PDE4B: variants seen among roughly 807,000 people sequenced by gnomAD.
PDE4B encodes 3',5'-cyclic-AMP phosphodiesterase 4B.
Under a neutral mutation model 82.2 loss-of-function variants are expected in PDE4B, and 20 were observed. The ratio of observed to expected loss-of-function variants is 0.24; its 90% CI spans 0.17 to 0.35. The LOEUF (loss-of-function observed/expected upper bound fraction) is 0.35, where lower values mean the gene tolerates loss of function less well. Ranked by LOEUF, PDE4B falls within the 10% of genes least tolerant of loss-of-function variation. PDE4B has a pLI of 1.00. For missense variants in PDE4B, 655 were observed against 907.2 expected (o/e 0.72, Z 3.57); for synonymous variants, 320 against 318.9 (o/e 1.00, Z -0.04).
intron 4 of PDE4B, among the ~76,000 whole-genome samples, chr1:66,255,604 G>A (rs760030298): frequency 7.9e-5 from 12 of 152,160 alleles, no homozygotes; most frequent in Non-Finnish European, 1.8e-4. Context: ...TTCATTGGCA[G>A]CATCTACCAT....
At chr1:65,910,896 T>G (rs1464073297) in intron 1 of PDE4B, among the ~76,000 whole-genome samples, 2 of 152,168 alleles carry the variant, frequency 1.3e-5, no homozygotes, top group East Asian at 3.8e-4. Flanking sequence ...AAGGGGCAGA[T>G]GAGGAATATC....
chr1:66,186,934 A>C (rs555516547), intron 3 of PDE4B, among the ~76,000 whole-genome samples: 16 of 152,136 alleles, frequency 1.1e-4, no homozygotes, highest in Admixed American at 9.8e-4. Flanking sequence ...GAATCCTTCC[A>C]GTTTGTGCCC....
At chr1:65,801,032 T>C (rs1323543465) in intron 1 of PDE4B, among the ~76,000 whole-genome samples, 1 of 152,174 alleles carries the variant, frequency 6.6e-6, no homozygotes, top group Non-Finnish European at 1.5e-5. Context: ...CCCTTGAAGG[T>C]AGCAATGGCC....
intron 3 of PDE4B, among the ~76,000 whole-genome samples, chr1:66,038,610 A>G (rs1654189845): frequency 6.6e-6 from 1 of 152,126 alleles, no homozygotes; most frequent in Admixed American, 6.6e-5. Context: ...ATGAAGTTGT[A>G]GGATTTTGTG....
chr1:66,002,261 T>C (rs1651907341), intron 3 of PDE4B, among the ~76,000 whole-genome samples: 1 of 152,196 alleles, frequency 6.6e-6, no homozygotes, highest in Non-Finnish European at 1.5e-5. Context: ...TTTTAATGTC[T>C]TTATTTGCTA....
chr1:65,795,833 G>A (rs970795367), intron 1 of PDE4B, among the ~76,000 whole-genome samples: 2 of 152,140 alleles, frequency 1.3e-5, no homozygotes, highest in Non-Finnish European at 2.9e-5. Context: ...AAGAAAATAG[G>A]GCTTTGAACT....
intron 3 of PDE4B, among the ~76,000 whole-genome samples, chr1:66,065,792 A>G (rs920881753): frequency 2.7e-4 from 41 of 151,882 alleles, no homozygotes; most frequent in African/African-American, 9.9e-4. Context: ...CCAGTGTTTT[A>G]TCTATTATTA....
intron 1 of PDE4B, among the ~76,000 whole-genome samples, chr1:65,894,280 CTAAG>C (rs1360930634): frequency 2.0e-5 from 3 of 151,942 alleles, no homozygotes. Flanking sequence ...AAGTAATTTT[CTAAG>C]TAACTTAAAG....
At chr1:66,236,397 A>G (rs573464844) in intron 3 of PDE4B, among the ~76,000 whole-genome samples, 48 of 152,194 alleles carry the variant, frequency 3.2e-4, no homozygotes, top group African/African-American at 1.0e-3. Context: ...GTGCTTTTCA[A>G]TCACTTATCT....
intron 6 of PDE4B, among the ~76,000 whole-genome samples, 168 bp downstream of exon 6, chr1:66,258,031 C>A (rs1011371210): frequency 1.3e-5 from 2 of 152,134 alleles, no homozygotes; most frequent in African/African-American, 4.8e-5. Context: ...TTTTAGAACT[C>A]ATACAACACT....
At position 66,283,635 on chromosome 1, in the gene PDE4B, CTCT is replaced by C. The variant is rs535989950; in HGVS notation, c.634+17553_634+17555del. Among the ~76,000 whole-genome samples the C allele has an allele frequency of 1.0e-3, 156 of 152,108 alleles. 1 individual carries two copies. Among genetic ancestry groups the C allele is most frequent in the African/African-American group, 3.6e-3 (150 of 41,508 alleles). On this transcript the variant is annotated intron_variant, in intron 7 of 16. Transcript: ENST00000341517. ...GAATTTTTTTTCTCTTTCAATATTT[CTCT>C]TCTTTCTTTTTCTGTGGCCCTTGTA... is the stretch of plus-strand genomic sequence containing the variant.
chr1:66,341,837 C>T (rs1486461826), intron 8 of PDE4B, among the ~76,000 whole-genome samples: 1 of 152,196 alleles, frequency 6.6e-6, no homozygotes, highest in African/African-American at 2.4e-5. Context: ...TCTCCCTACA[C>T]CCTAGAATGT....
intron 3 of PDE4B, among the ~76,000 whole-genome samples, chr1:65,963,594 A>G (rs1173539495): frequency 6.6e-6 from 1 of 152,172 alleles, no homozygotes; most frequent in Non-Finnish European, 1.5e-5. Flanking sequence ...TTGTCAGCTT[A>G]TCATCCCCTG....
At chr1:66,127,741 T>C (rs1645852949) in intron 3 of PDE4B, among the ~76,000 whole-genome samples, 1 of 152,204 alleles carries the variant, frequency 6.6e-6, no homozygotes, top group South Asian at 2.1e-4. Context: ...CAATTTTCTT[T>C]TAATTTAGAA....
chr1:66,172,724 G>T (rs1288317511), intron 3 of PDE4B, among the ~76,000 whole-genome samples: 1 of 152,066 alleles, frequency 6.6e-6, no homozygotes, highest in Non-Finnish European at 1.5e-5. Context: ...ATTTTTAAAA[G>T]AATTAATTTA....
chr1:66,329,509 G>A (rs1659962449), intron 7 of PDE4B, among the ~76,000 whole-genome samples: 1 of 152,140 alleles, frequency 6.6e-6, no homozygotes, highest in Non-Finnish European at 1.5e-5. Flanking sequence ...TTCAAATTAT[G>A]CAGCTGATTC....
At chr1:65,800,424 C>T (rs550651221) in intron 1 of PDE4B, among the ~76,000 whole-genome samples, 2 of 152,214 alleles carry the variant, frequency 1.3e-5, no homozygotes, top group African/African-American at 4.8e-5. Context: ...CTAGAAAGCA[C>T]TTTGTAGGAC....
At chr1:65,867,192 A>G (rs917148295) in intron 1 of PDE4B, among the ~76,000 whole-genome samples, 3 of 152,190 alleles carry the variant, frequency 2.0e-5, no homozygotes, top group African/African-American at 7.2e-5. Flanking sequence ...AAAATTTTAA[A>G]AGCCCCTTAG....
In PDE4B at chr1:66,247,541, C is replaced by T. The variant is rs760654036; in HGVS notation, c.363C>T (p.His121=). ...QASSSAGLVL[H]ATFPGHSQRR... is the part of the protein sequence containing the mutation. Reference sequence around the variant, plus strand: ...GCTCTTCCGCTGGGCTGGTACTTCACGCCACCTTTCCTGGGCACAGCCAGC... The same window carrying T: ...GCTCTTCCGCTGGGCTGGTACTTCATGCCACCTTTCCTGGGCACAGCCAGC... The change falls in exon 4 of 17, where the codon CAC becomes CAT. Residue 121 remains histidine (H), a synonymous_variant. Coordinates refer to ENST00000341517, the MANE Select transcript of PDE4B (RefSeq NM_002600.4). The T allele has an allele frequency of 3.2e-5, 52 of 1,612,860 alleles. No individual in the cohort carries two copies. Among genetic ancestry groups the T allele is most frequent in the East Asian group, 4.5e-5 (2 of 44,800 alleles).
Sources: gnomAD v4.1 joint callset for allele counts (sites outside exome capture counted in the v4.1 genomes callset) on GRCh38, gnomAD v4.1.1 for gene constraint, MANE v1.5 for transcripts, NCBI Gene and HGNC (gene_info 2026-07-23, HGNC 2026-07-21) for gene names.